Variants in EYS observed in about 807,000 individuals in gnomAD.
EYS encodes the protein EGF-like photoreceptor maintenance factor.
EYS carries 250 observed loss-of-function variants against 282.1 expected under a neutral mutation model. The ratio of observed to expected loss-of-function variants is 0.89; its 90% confidence interval spans 0.80 to 0.98. The LOEUF is 0.98. EYS is among the 50% of genes least tolerant of loss of function. The probability of loss-of-function intolerance (pLI) is 0.00; values close to 1 mark genes in which losing one functional copy is unlikely to be tolerated. For synonymous variants in EYS, 1,355 were observed against 1,282.9 expected (o/e 1.06, Z -1.20); for missense variants, 4,016 against 3,709.0 (o/e 1.08, Z -2.15).
At chr6:64,267,409 C>T (rs1767797914) in intron 30 of EYS, among the ~76,000 whole-genome samples, 1 of 152,062 alleles carries the variant, frequency 6.6e-6, no homozygotes, top group Non-Finnish European at 1.5e-5. Context: ...ACCTCTCTTC[C>T]TAGCCATGTG....
chr6:63,799,213 C>T (rs187574809), intron 37 of EYS, among the ~76,000 whole-genome samples: 1 of 151,498 alleles, frequency 6.6e-6, no homozygotes, highest in Non-Finnish European at 1.5e-5. Context: ...AGGGTCTTGC[C>T]ATGTTGGCCA....
intron 35 of EYS, among the ~76,000 whole-genome samples, chr6:63,881,934 A>C (rs1773143575): frequency 1.3e-5 from 2 of 152,202 alleles, no homozygotes; most frequent in Admixed American, 6.5e-5. Flanking sequence ...GACTTAGACA[A>C]GTTGACTATT....
At chr6:63,799,173 C>T (rs1168327848) in intron 37 of EYS, among the ~76,000 whole-genome samples, 3 of 151,166 alleles carry the variant, frequency 2.0e-5, no homozygotes, top group Non-Finnish European at 4.4e-5. Flanking sequence ...GCCACCACAC[C>T]CAGCTAATTT....
chr6:65,324,145 T>C (rs1029483131), intron 11 of EYS, among the ~76,000 whole-genome samples: 2 of 151,572 alleles, frequency 1.3e-5, no homozygotes, highest in East Asian at 4.0e-4. Context: ...CTATATAAAA[T>C]AGCCCCTTTC....
At position 64,257,850 on chromosome 6, in the gene EYS, G is replaced by A. The variant is rs538059912; in HGVS notation, c.6192-27026C>T. On this transcript the variant is annotated intron_variant, in intron 30 of 42. Transcript: ENST00000503581. ...GTGATCATTATTCCAATTTTACACT[G>A]TGACAACAGAAAACACTACAGGTAC... Among the ~76,000 whole-genome samples the A allele has an allele frequency of 5.3e-5, 8 of 152,036 alleles. No individual in the cohort carries two copies. In the South Asian group the frequency reaches 1.7e-3, roughly 32 times the overall value.
intron 15 of EYS, among the ~76,000 whole-genome samples, chr6:64,924,220 C>T (rs1011221569): frequency 3.3e-5 from 5 of 152,194 alleles, no homozygotes; most frequent in African/African-American, 1.2e-4. Context: ...TGGAAGCTGC[C>T]AAGGCTTAGG....
chr6:64,453,538 C>T (rs1432202967), intron 26 of EYS, among the ~76,000 whole-genome samples: 1 of 152,154 alleles, frequency 6.6e-6, no homozygotes, highest in African/African-American at 2.4e-5. Context: ...AATCATGCTG[C>T]TATAAAGACA....
chr6:64,053,089 A>G (rs748259309), intron 33 of EYS, among the ~76,000 whole-genome samples: 17 of 152,138 alleles, frequency 1.1e-4, no homozygotes, highest in Non-Finnish European at 2.2e-4. Flanking sequence ...TTTATCATAC[A>G]TATTTTGTGG....
At chr6:64,787,660 TAAG>T (rs1774065690) in intron 22 of EYS, among the ~76,000 whole-genome samples, 1 of 150,576 alleles carries the variant, frequency 6.6e-6, no homozygotes, top group Non-Finnish European at 1.5e-5. Flanking sequence ...TCTGAAATAT[TAAG>T]AATCAGATGT....
intron 30 of EYS, among the ~76,000 whole-genome samples, chr6:64,292,421 T>G (rs930361469): frequency 6.6e-6 from 1 of 152,052 alleles, no homozygotes; most frequent in African/African-American, 2.4e-5. Context: ...CTTCATATGA[T>G]AAAAGAAAAT....
intron 12 of EYS, among the ~76,000 whole-genome samples, chr6:65,113,148 T>C (rs1775262994): frequency 6.6e-6 from 1 of 152,096 alleles, no homozygotes; most frequent in East Asian, 1.9e-4. Context: ...AAGTGTTATA[T>C]ATCTTTTGAA....
At chr6:65,374,537 A>T (rs1190990930) in intron 8 of EYS, among the ~76,000 whole-genome samples, 3 of 149,722 alleles carry the variant, frequency 2.0e-5, no homozygotes, top group African/African-American at 7.3e-5. Flanking sequence ...GATACCTGGA[A>T]CTCCAGTGAA....
intron 29 of EYS, among the ~76,000 whole-genome samples, chr6:64,326,063 G>A (rs753056217): frequency 6.6e-6 from 1 of 152,046 alleles, no homozygotes; most frequent in Non-Finnish European, 1.5e-5. Flanking sequence ...GGAACACCTG[G>A]GAAATTCATC....
intron 28 of EYS, among the ~76,000 whole-genome samples, chr6:64,404,011 T>C (rs570430154): frequency 6.6e-6 from 1 of 152,306 alleles, no homozygotes; most frequent in African/African-American, 2.4e-5. Flanking sequence ...ATTTCTTATA[T>C]TCTGTGCTGG....
intron 2 of EYS, among the ~76,000 whole-genome samples, chr6:65,578,532 G>C (rs1764756988): frequency 1.3e-5 from 2 of 151,536 alleles, no homozygotes; most frequent in Non-Finnish European, 2.9e-5. Flanking sequence ...TATACATCAT[G>C]GTGACCACAG....
In EYS at chr6:63,992,184, A is replaced by G. The variant is rs1159210897; in HGVS notation, c.6834+6891T>C. ...CTGGCTAAAAATGGTAGGTATGTATACAAATATAGAATACTGTAATACTGT... is the reference window on the plus strand; with the variant it reads ...CTGGCTAAAAATGGTAGGTATGTATGCAAATATAGAATACTGTAATACTGT... On this transcript the variant is annotated intron_variant, in intron 34 of 42. Coordinates refer to ENST00000503581, the MANE Select transcript of EYS (RefSeq NM_001142800.2). Among the ~76,000 whole-genome samples, 4 of 151,992 alleles carry G rather than the reference A, an allele frequency of 2.6e-5. No individual in the cohort carries two copies. The East Asian group carries it at 5.8e-4, about 22-fold the overall frequency.
chr6:64,581,703 C>T (rs543656887), intron 26 of EYS, among the ~76,000 whole-genome samples: 20 of 152,220 alleles, frequency 1.3e-4, no homozygotes, highest in East Asian at 5.8e-4. Context: ...AATGCCCTTA[C>T]GTTGTACTCG....
At chr6:65,138,056 A>G (rs576715071) in intron 12 of EYS, among the ~76,000 whole-genome samples, 1 of 152,208 alleles carries the variant, frequency 6.6e-6, no homozygotes, top group Admixed American at 6.5e-5. Flanking sequence ...TGAACCACTG[A>G]AAAAGACTGA....
rs1764905215 is a variant in EYS, at chr6:65,163,744, G to A, written c.2024-106017C>T. Among the ~76,000 whole-genome samples, 3 of 151,238 alleles carry A rather than the reference G, an allele frequency of 2.0e-5. No homozygotes were observed. In the South Asian group the frequency reaches 6.2e-4, roughly 31 times the overall value. On this transcript the variant is annotated intron_variant, in intron 12 of 42. Transcript: ENST00000503581. ...ACTATTGAAGAAAAATTGAAAAGTA[G>A]AATAATATTTCTGACACATGAAAGC...
Sources: gnomAD v4.1 joint callset for allele counts (sites outside exome capture counted in the v4.1 genomes callset) on GRCh38, gnomAD v4.1.1 for gene constraint, MANE v1.5 for transcripts, NCBI Gene and HGNC (gene_info 2026-07-23, HGNC 2026-07-21) for gene names.